The following SGCZ variants were observed in gnomAD, a reference collection of about 807,000 sequenced individuals.
SGCZ encodes the protein sarcoglycan zeta.
In SGCZ, 40 loss-of-function variants were observed where a neutral mutation model predicts 41.3. The observed-to-expected ratio is 0.97, with a 90% confidence interval of 0.75 to 1.26. The LOEUF (loss-of-function observed/expected upper bound fraction) is 1.26. SGCZ is among the 50% of genes most tolerant of loss of function. The pLI is 0.00. For missense variants in SGCZ, 552 were observed against 369.8 expected, an observed-to-expected ratio of 1.49 and a Z score of -4.04; for synonymous variants, 206 against 137.5, an observed-to-expected ratio of 1.50 and a Z score of -3.49.
intron 1 of SGCZ, among the ~76,000 whole-genome samples, chr8:14,573,365 A>ATT (rs34581775): frequency 2.7e-5 from 4 of 150,932 alleles, no homozygotes; most frequent in South Asian, 2.1e-4. Context: ...GCCCGGCTAA[A>ATT]TTTTTTTTGT....
intron 2 of SGCZ, among the ~76,000 whole-genome samples, chr8:14,535,986 T>C (rs1490870647): frequency 1.3e-5 from 2 of 151,868 alleles, no homozygotes; most frequent in East Asian, 3.9e-4. Flanking sequence ...AATAAAATGA[T>C]TAATCAATAA....
Position 15,192,002 on chromosome 8 carries a change from T to C in SGCZ, c.39+45583A>G, listed in dbSNP as rs865914561. On this transcript the variant is annotated intron_variant, in intron 1 of 7. Transcript: ENST00000382080. Reference sequence around the variant, plus strand: ...GTAAAAATTGCATAAAAGTAGTACCTACATCAAGGGAATGTGGTGAAGATT... The same window carrying C: ...GTAAAAATTGCATAAAAGTAGTACCCACATCAAGGGAATGTGGTGAAGATT... Among the ~76,000 whole-genome samples, 27 of 152,178 alleles carry C rather than the reference T, an allele frequency of 1.8e-4. 1 individual carries two copies. The highest frequency in any genetic ancestry group is 6.0e-4 in the African/African-American group (25 of 41,476).
chr8:14,704,834 A>G (rs1229730418), intron 1 of SGCZ, among the ~76,000 whole-genome samples: 2 of 152,026 alleles, frequency 1.3e-5, no homozygotes, highest in Non-Finnish European at 2.9e-5. Context: ...TCTTAGGGAT[A>G]AACTAAATAC....
chr8:14,263,151 G>C, intron 3 of SGCZ, among the ~76,000 whole-genome samples: 1 of 152,066 alleles, frequency 6.6e-6, no homozygotes, highest in Admixed American at 6.6e-5. Flanking sequence ...TAAAAATAAA[G>C]CAATTCAAAA....
At chr8:14,429,790 G>T (rs1411988870) in intron 2 of SGCZ, among the ~76,000 whole-genome samples, 18 of 147,424 alleles carry the variant, frequency 1.2e-4, no homozygotes, top group African/African-American at 4.5e-4. Context: ...TCTTGGACTT[G>T]TTTTTTTTTT....
intron 2 of SGCZ, among the ~76,000 whole-genome samples, chr8:14,407,302 C>G (rs1585466888): frequency 1.3e-5 from 2 of 151,988 alleles, no homozygotes; most frequent in South Asian, 2.1e-4. Flanking sequence ...CTCTTGACCT[C>G]AAGCGATCCA....
intron 5 of SGCZ, among the ~76,000 whole-genome samples, chr8:14,155,507 G>A (rs188369950): frequency 1.2e-4 from 18 of 152,088 alleles, no homozygotes; most frequent in Admixed American, 1.2e-3. Flanking sequence ...TCTCCCGTTA[G>A]TCTCATCATC....
chr8:14,794,433 G>A (rs1163387133), intron 1 of SGCZ, among the ~76,000 whole-genome samples: 2 of 151,984 alleles, frequency 1.3e-5, no homozygotes, highest in Admixed American at 1.3e-4. Context: ...GAAACTTAAA[G>A]CTCAATAGAA....
At chr8:14,497,193 G>C (rs1264897056) in intron 2 of SGCZ, among the ~76,000 whole-genome samples, 1 of 152,142 alleles carries the variant, frequency 6.6e-6, no homozygotes, top group East Asian at 1.9e-4. Flanking sequence ...TTTAAAAACA[G>C]AGGTTTATCT....
At chr8:14,904,429 G>T (rs1471893357) in intron 1 of SGCZ, among the ~76,000 whole-genome samples, 2 of 152,000 alleles carry the variant, frequency 1.3e-5, no homozygotes, top group Non-Finnish European at 2.9e-5. Flanking sequence ...AAGAATACAC[G>T]AACTTATTTC....
At chr8:14,404,291 T>C (rs1274303334) in intron 2 of SGCZ, among the ~76,000 whole-genome samples, 1 of 152,208 alleles carries the variant, frequency 6.6e-6, no homozygotes, top group Non-Finnish European at 1.5e-5. Context: ...TTAAGGATTA[T>C]ATTATGCCAA....
Position 14,646,771 on chromosome 8 carries a change from AT to A in SGCZ, c.40-91846del, listed in dbSNP as rs934916947. Among the ~76,000 whole-genome samples the A allele has an allele frequency of 9.5e-4, 145 of 151,870 alleles. 3 individuals carry two copies. Among genetic ancestry groups the A allele is most frequent in the African/African-American group, 3.4e-3 (140 of 41,396 alleles). The stretch of plus-strand genomic sequence containing the variant: ...TAAAAATTATTTTGTTCAATTGTCC[AT>A]TTTTTTGTTCATATATTCATTCAAA... On this transcript the variant is annotated intron_variant, in intron 1 of 7. Coordinates refer to ENST00000382080, the MANE Select transcript of SGCZ (RefSeq NM_139167.4).
intron 2 of SGCZ, among the ~76,000 whole-genome samples, chr8:14,392,566 T>C (rs1179358650): frequency 1.3e-5 from 2 of 152,210 alleles, no homozygotes; most frequent in African/African-American, 4.8e-5. Flanking sequence ...TCCATGTACA[T>C]ACACCTTAGA....
At chr8:14,656,818 A>G (rs1585159383) in intron 1 of SGCZ, among the ~76,000 whole-genome samples, 1 of 152,118 alleles carries the variant, frequency 6.6e-6, no homozygotes, top group East Asian at 1.9e-4. Context: ...AAGCCTTTAA[A>G]TGGTACCAAA....
intron 3 of SGCZ, among the ~76,000 whole-genome samples, chr8:14,307,492 T>G (rs978909764): frequency 6.6e-6 from 1 of 152,124 alleles, no homozygotes; most frequent in South Asian, 2.1e-4. Context: ...CCAATCCCTT[T>G]CCTTTCCTTA....
At chr8:14,491,769 C>A (rs1033999471) in intron 2 of SGCZ, among the ~76,000 whole-genome samples, 8 of 152,218 alleles carry the variant, frequency 5.3e-5, no homozygotes, top group Non-Finnish European at 7.4e-5. Context: ...TCTTGGGGAA[C>A]CACTTTGGTA....
intron 1 of SGCZ, among the ~76,000 whole-genome samples, chr8:15,178,183 C>G (rs1800056361): frequency 6.6e-6 from 1 of 152,152 alleles, no homozygotes; most frequent in African/African-American, 2.4e-5. Context: ...CTACAACACC[C>G]TCCACAACCA....
intron 1 of SGCZ, among the ~76,000 whole-genome samples, chr8:15,168,621 G>A (rs1172815847): frequency 6.7e-6 from 1 of 149,872 alleles, no homozygotes; most frequent in Non-Finnish European, 1.5e-5. Context: ...GCTAGGAAGA[G>A]AAGGGAACCA....
chr8:14,939,735 T>A (rs1337284710), intron 1 of SGCZ, among the ~76,000 whole-genome samples: 1 of 152,018 alleles, frequency 6.6e-6, no homozygotes, highest in Non-Finnish European at 1.5e-5. Context: ...ACATAGAAAC[T>A]CCCAGGTAAG....
Sources: allele counts gnomAD v4.1 joint callset (sites outside exome capture counted in the v4.1 genomes callset), GRCh38; gene constraint gnomAD v4.1.1; transcripts MANE v1.5; gene names NCBI Gene and HGNC (gene_info 2026-07-23, HGNC 2026-07-21).